The following CNTNAP4 variants were observed in gnomAD, a reference collection of about 807,000 sequenced individuals.
CNTNAP4 encodes the protein contactin-associated protein-like 4.
Under a neutral mutation model 148.4 loss-of-function variants are expected in CNTNAP4, and 98 were observed. That is an observed-to-expected ratio of 0.66 (90% confidence interval 0.56 to 0.78). CNTNAP4 has a LOEUF of 0.78. CNTNAP4 is among the 30% of genes least tolerant of loss of function. The pLI is 0.00. For missense variants in CNTNAP4, 1,935 were observed against 1,565.6 expected, an observed-to-expected ratio of 1.24 and a Z score of -3.98; for synonymous variants, 730 against 565.1, an observed-to-expected ratio of 1.29 and a Z score of -4.14.
rs576222024 is a variant in CNTNAP4, at chr16:76,360,336, A to G, written c.390+4825A>G. On this transcript the variant is annotated intron_variant, in intron 3 of 23. Coordinates refer to ENST00000611870, the MANE Select transcript of CNTNAP4 (RefSeq NM_033401.5). The stretch of plus-strand genomic sequence containing the variant: ...TCTGTAAGCCAGACAGGGTAGAAAC[A>G]CTACCTGCAAAGATTTCCACATGCA... Among the ~76,000 whole-genome samples, 3 of 152,308 alleles carry G rather than the reference A, an allele frequency of 2.0e-5. No individual in the cohort carries two copies. In the East Asian group the frequency reaches 5.8e-4, roughly 29 times the overall value.
chr16:76,350,021 G>A (rs1415284324), intron 2 of CNTNAP4, among the ~76,000 whole-genome samples: 1 of 151,932 alleles, frequency 6.6e-6, no homozygotes, highest in Non-Finnish European at 1.5e-5. Context: ...ATTTTAAGAT[G>A]TGTCTCCCTT....
chr16:76,280,907 A>G (rs1400512010), intron 1 of CNTNAP4, among the ~76,000 whole-genome samples: 1 of 152,182 alleles, frequency 6.6e-6, no homozygotes, highest in Non-Finnish European at 1.5e-5. Context: ...AGTAAGGCTG[A>G]TAAGAGTTTG....
At chr16:76,320,502 T>C (rs1490268009) in intron 2 of CNTNAP4, among the ~76,000 whole-genome samples, 1 of 152,196 alleles carries the variant, frequency 6.6e-6, no homozygotes, top group Non-Finnish European at 1.5e-5. Flanking sequence ...CTAAAGAGAT[T>C]AGTTATGTGA....
chr16:76,290,938 A>G (rs754388688), intron 1 of CNTNAP4, among the ~76,000 whole-genome samples: 64 of 152,198 alleles, frequency 4.2e-4, no homozygotes, highest in South Asian at 8.3e-4. Flanking sequence ...GCTGTGTCTT[A>G]TGTGGCCTTT....
intron 17 of CNTNAP4, among the ~76,000 whole-genome samples, chr16:76,525,329 A>C (rs2083671115): frequency 6.6e-6 from 1 of 151,814 alleles, no homozygotes; most frequent in African/African-American, 2.4e-5. Context: ...TTAATAAAAC[A>C]CCTACTAGGA....
chr16:76,458,941 T>A (rs542820367), intron 8 of CNTNAP4, among the ~76,000 whole-genome samples: 1 of 152,336 alleles, frequency 6.6e-6, no homozygotes, highest in African/African-American at 2.4e-5. Flanking sequence ...TCCCCCTTTT[T>A]TTTTCTGTAG....
intron 1 of CNTNAP4, among the ~76,000 whole-genome samples, chr16:76,315,453 A>T (rs1436119494): frequency 6.6e-6 from 1 of 152,280 alleles, no homozygotes; most frequent in East Asian, 1.9e-4. Context: ...GCTCAAGTTT[A>T]TACTCCCACG....
chr16:76,514,770 C>T lies in CNTNAP4; in HGVS notation c.2366-6370C>T, dbSNP rs138423725. Among the ~76,000 whole-genome samples, 23 of 152,104 alleles carry T rather than the reference C, an allele frequency of 1.5e-4. No individual in the cohort carries two copies. The East Asian group carries it at 3.1e-3, about 20-fold the overall frequency. On this transcript the variant is annotated intron_variant, in intron 15 of 23. Transcript: ENST00000611870. ...TAATAGATGTGCTAAAAAGAGGAAC[C>T]AGTGAATTATGAAACCAATACATAG...
chr16:76,286,052 T>A (rs945472584), intron 1 of CNTNAP4, among the ~76,000 whole-genome samples: 84 of 152,234 alleles, frequency 5.5e-4, no homozygotes, highest in African/African-American at 1.9e-3. Flanking sequence ...TCTTCAGTAT[T>A]CAAAGATACT....
At chr16:76,558,186 C>T (rs1301048394) in intron 23 of CNTNAP4, 2 of 218,318 alleles carry the variant, frequency 9.2e-6, no homozygotes, top group Non-Finnish European at 1.8e-5. Flanking sequence ...GCCACATGGC[C>T]ACATGGTCCT....
intron 15 of CNTNAP4, among the ~76,000 whole-genome samples, chr16:76,512,048 T>C (rs745453482): frequency 3.3e-5 from 5 of 152,070 alleles, no homozygotes; most frequent in African/African-American, 2.4e-5. Context: ...GGAAGAGTAC[T>C]CTACACAGAG....
At chr16:76,490,198 T>TA (rs1435660605) in intron 13 of CNTNAP4, among the ~76,000 whole-genome samples, 4 of 152,228 alleles carry the variant, frequency 2.6e-5, no homozygotes, top group African/African-American at 9.6e-5. Context: ...TTATCCCTGA[T>TA]AAAGGGCAAG....
At chr16:76,331,197 C>CT (rs1041751764) in intron 2 of CNTNAP4, among the ~76,000 whole-genome samples, 19 of 144,796 alleles carry the variant, frequency 1.3e-4, no homozygotes, top group South Asian at 1.3e-3. Flanking sequence ...TTTTCTTTTT[C>CT]TTTTTTTTTA....
At chr16:76,411,242 C>T (rs942674725) in intron 3 of CNTNAP4, among the ~76,000 whole-genome samples, 3 of 151,166 alleles carry the variant, frequency 2.0e-5, no homozygotes, top group Non-Finnish European at 4.4e-5. Flanking sequence ...TGGTTGATTG[C>T]GAGTCTCTTT....
chr16:76,363,060 A>G (rs76814713), intron 3 of CNTNAP4, among the ~76,000 whole-genome samples: 29 of 107,224 alleles, frequency 2.7e-4, no homozygotes, highest in South Asian at 9.1e-4. Flanking sequence ...TGCTCTATTA[A>G]AAAAAAAAAA....
intron 3 of CNTNAP4, among the ~76,000 whole-genome samples, chr16:76,415,764 T>C (rs1486954097): frequency 6.6e-6 from 1 of 151,188 alleles, no homozygotes; most frequent in Non-Finnish European, 1.5e-5. Flanking sequence ...CTGTAGAGTA[T>C]TTTTACTATT....
chr16:76,369,456 A>G (rs1293422598), intron 3 of CNTNAP4, among the ~76,000 whole-genome samples: 1 of 152,218 alleles, frequency 6.6e-6, no homozygotes, highest in Admixed American at 6.5e-5. Context: ...CAGGATAACC[A>G]GGAAAGCTGG....
intron 3 of CNTNAP4, among the ~76,000 whole-genome samples, chr16:76,424,067 A>G (rs2145020129): frequency 6.6e-6 from 1 of 152,284 alleles, no homozygotes; most frequent in African/African-American, 2.4e-5. Context: ...TATGACAATG[A>G]TATTTTTATT....
chr16:76,304,924 A>G (rs1403270533), intron 1 of CNTNAP4, among the ~76,000 whole-genome samples: 1 of 152,190 alleles, frequency 6.6e-6, no homozygotes, highest in African/African-American at 2.4e-5. Flanking sequence ...ATCCATCCAA[A>G]TTGTACATCA....
Sources: gnomAD v4.1 joint callset for allele counts (sites outside exome capture counted in the v4.1 genomes callset) on GRCh38, gnomAD v4.1.1 for gene constraint, MANE v1.5 for transcripts, NCBI Gene and HGNC (gene_info 2026-07-23, HGNC 2026-07-21) for gene names.